Variants in GRM7 observed in about 807,000 individuals in gnomAD.
The protein encoded by GRM7 is metabotropic glutamate receptor 7.
Under a neutral mutation model 84.5 loss-of-function variants are expected in GRM7, and 35 were observed. The ratio of observed to expected loss-of-function variants is 0.41; its 90% CI spans 0.32 to 0.55. The LOEUF (loss-of-function observed/expected upper bound fraction) is 0.55, where lower values mean the gene tolerates loss of function less well. Among genes scored for constraint, GRM7 ranks in the 20% least tolerant of loss-of-function variants. GRM7 has a pLI of 0.19. For synonymous variants in GRM7, 487 were observed against 455.1 expected (o/e 1.07, Z -0.89); for missense variants, 1,003 against 1,194.6 (o/e 0.84, Z 2.36).
intron 1 of GRM7, among the ~76,000 whole-genome samples, chr3:6,894,567 A>T (rs1696103334): frequency 6.6e-6 from 1 of 152,162 alleles, no homozygotes; most frequent in African/African-American, 2.4e-5. Context: ...GTATATATAT[A>T]CATATGTGTG....
At chr3:7,729,672 TAA>T (rs1320733008) in intron 9 of GRM7, among the ~76,000 whole-genome samples, 4 of 152,162 alleles carry the variant, frequency 2.6e-5, no homozygotes, top group Non-Finnish European at 5.9e-5. Flanking sequence ...TTATAGAATA[TAA>T]GTGCCGTGAA....
intron 8 of GRM7, among the ~76,000 whole-genome samples, chr3:7,581,945 T>C (rs1028778603): frequency 1.5e-4 from 23 of 152,340 alleles, no homozygotes; most frequent in Admixed American, 1.3e-3. Context: ...TATCTTGTTT[T>C]ATCATTGTTA....
At chr3:7,552,466 AT>A (rs1693524526) in intron 7 of GRM7, among the ~76,000 whole-genome samples, 1 of 152,158 alleles carries the variant, frequency 6.6e-6, no homozygotes, top group Non-Finnish European at 1.5e-5. Flanking sequence ...CTAACCCCAC[AT>A]TTCTCTTCTG....
intron 5 of GRM7, among the ~76,000 whole-genome samples, chr3:7,436,157 T>C (rs890393035): frequency 2.0e-5 from 3 of 152,134 alleles, no homozygotes; most frequent in Non-Finnish European, 4.4e-5. Flanking sequence ...TTATCAATTT[T>C]ATTAACCTTA....
chr3:7,632,336 T>C (rs967391762), intron 8 of GRM7, among the ~76,000 whole-genome samples: 5 of 152,190 alleles, frequency 3.3e-5, no homozygotes, highest in African/African-American at 1.2e-4. Flanking sequence ...TCTCAGTCTC[T>C]TGTGTGATGG....
chr3:6,944,321 G>A (rs1434221118), intron 1 of GRM7, among the ~76,000 whole-genome samples: 3 of 152,044 alleles, frequency 2.0e-5, no homozygotes, highest in African/African-American at 4.8e-5. Context: ...TTTTTTCATA[G>A]ATACCCTTTA....
chr3:6,957,732 CA>C (rs1693118144), intron 1 of GRM7, among the ~76,000 whole-genome samples: 1 of 152,156 alleles, frequency 6.6e-6, no homozygotes, highest in African/African-American at 2.4e-5. Flanking sequence ...TTTACCAGCA[CA>C]AGTAACACCT....
chr3:7,297,892 G>A (rs1221784729), intron 2 of GRM7, among the ~76,000 whole-genome samples: 1 of 152,178 alleles, frequency 6.6e-6, no homozygotes, highest in Non-Finnish European at 1.5e-5. Flanking sequence ...TAAGCAAGAA[G>A]CAGGGAAGTA....
chr3:7,055,726 T>G (rs184529587), intron 1 of GRM7, among the ~76,000 whole-genome samples: 617 of 151,896 alleles, frequency 4.1e-3, no homozygotes, highest in Middle Eastern at 0.01. Context: ...TCACCATGTT[T>G]GCTACGCTGA....
chr3:7,730,997 CTGTT>C (rs894085444), intron 9 of GRM7, among the ~76,000 whole-genome samples: 37 of 151,940 alleles, frequency 2.4e-4, no homozygotes, highest in African/African-American at 8.5e-4. Flanking sequence ...GAGACTTTGT[CTGTT>C]TGTTTCAAAT....
At chr3:7,097,004 A>G (rs1447810747) in intron 1 of GRM7, among the ~76,000 whole-genome samples, 1 of 152,188 alleles carries the variant, frequency 6.6e-6, no homozygotes, top group Non-Finnish European at 1.5e-5. Flanking sequence ...ATTGTAGCTG[A>G]TTAATAATAA....
intron 9 of GRM7, among the ~76,000 whole-genome samples, chr3:7,701,371 G>A (rs1384658773): frequency 6.7e-6 from 1 of 149,020 alleles, no homozygotes; most frequent in Non-Finnish European, 1.5e-5. Context: ...CACGATCTCG[G>A]CTCACTACAA....
intron 9 of GRM7, among the ~76,000 whole-genome samples, chr3:7,718,746 T>C (rs1385358145): frequency 2.6e-5 from 4 of 152,158 alleles, no homozygotes; most frequent in Admixed American, 6.5e-5. Flanking sequence ...GGTTGACATA[T>C]TGGCCTCCAG....
intron 2 of GRM7, among the ~76,000 whole-genome samples, chr3:7,222,926 C>T (rs1031261891): frequency 3.3e-5 from 5 of 152,082 alleles, no homozygotes; most frequent in East Asian, 1.9e-4. Flanking sequence ...TATCTCTTGC[C>T]ATCAACATAA....
chr3:7,311,484 C>T (rs1056230360), intron 4 of GRM7, among the ~76,000 whole-genome samples: 2 of 152,080 alleles, frequency 1.3e-5, no homozygotes, highest in African/African-American at 2.4e-5. Flanking sequence ...ATGAATATTT[C>T]TCACCCATGT....
chr3:7,356,303 T>TA (rs112154990), intron 4 of GRM7, among the ~76,000 whole-genome samples: 1 of 151,808 alleles, frequency 6.6e-6, no homozygotes, highest in Non-Finnish European at 1.5e-5. Context: ...GAGGATTTTT[T>TA]TTTTTTTATT....
At chr3:7,675,939 T>G (rs1305782876) in intron 8 of GRM7, among the ~76,000 whole-genome samples, 1 of 152,188 alleles carries the variant, frequency 6.6e-6, no homozygotes, top group Non-Finnish European at 1.5e-5. Context: ...GATTTTGATT[T>G]TACAGTTCAG....
chr3:7,473,489 GGAGAGAGAGAGAGAGAGAGAGA>G (rs372898836), intron 7 of GRM7, among the ~76,000 whole-genome samples: 1 of 126,432 alleles, frequency 7.9e-6, no homozygotes, highest in Non-Finnish European at 1.6e-5. Context: ...AAAACGAGAG[GGAGAGAGAGAGAGAGAGAGAGA>G]GAGAGAGAGA....
chr3:6,901,623 A>AAAAAAAAAAAAAAAAAAAG, intron 1 of GRM7, among the ~76,000 whole-genome samples: 1 of 141,366 alleles, frequency 7.1e-6, no homozygotes, highest in African/African-American at 2.6e-5. Context: ...AAAAAAAAAA[A>AAAAAAAAAAAAAAAAAAAG]AAAAAAAAAA....
Sources: allele counts gnomAD v4.1 joint callset (sites outside exome capture counted in the v4.1 genomes callset), GRCh38; gene constraint gnomAD v4.1.1; transcripts MANE v1.5; gene names NCBI Gene and HGNC (gene_info 2026-07-23, HGNC 2026-07-21).